Variants in VPS8 observed in about 807,000 individuals in gnomAD.
VPS8 encodes the protein vacuolar protein sorting-associated protein 8 homolog.
A neutral mutation model predicts 216.4 loss-of-function variants in VPS8; 129 were observed. The ratio of observed to expected loss-of-function variants is 0.60; its 90% CI spans 0.52 to 0.69. The LOEUF (loss-of-function observed/expected upper bound fraction) is 0.69, where lower values mean the gene tolerates loss of function less well. Among genes scored for constraint, VPS8 ranks in the 30% least tolerant of loss-of-function variants. The probability of loss-of-function intolerance (pLI) is 0.00; values close to 1 mark genes in which losing one functional copy is unlikely to be tolerated. For missense variants in VPS8, 1,531 were observed against 1,683.5 expected (o/e 0.91, Z 1.59); for synonymous variants, 571 against 565.4 (o/e 1.01, Z -0.14).
chr3:184,969,091 T>C (rs1747899074), intron 39 of VPS8, among the ~76,000 whole-genome samples: 1 of 152,194 alleles, frequency 6.6e-6, no homozygotes, highest in Non-Finnish European at 1.5e-5. Context: ...TGTGGCAATT[T>C]TAAAATTTTA....
chr3:184,913,369 C>G, intron 25 of VPS8, 150 bp from the exon 26 acceptor site: 2 of 610,396 alleles, frequency 3.3e-6, no homozygotes, highest in Non-Finnish European at 5.7e-6. Flanking sequence ...AACTCAAAAG[C>G]CAATAAAGTG....
At chr3:184,999,110 T>C (rs1753043507) in intron 44 of VPS8, among the ~76,000 whole-genome samples, 1 of 152,004 alleles carries the variant, frequency 6.6e-6, no homozygotes, top group Non-Finnish European at 1.5e-5. Context: ...CAGGCTGGAG[T>C]GCAGTGGCAC....
chr3:184,819,398 C>G (rs1253810541), intron 1 of VPS8, among the ~76,000 whole-genome samples: 3 of 152,174 alleles, frequency 2.0e-5, no homozygotes, highest in Non-Finnish European at 4.4e-5. Flanking sequence ...TATAAAAACA[C>G]TAGCTCACAT....
Position 184,926,620 on chromosome 3 carries a change from C to A in VPS8, c.2601C>A (p.Asp867Glu), listed in dbSNP as rs375545410. 6.2e-7 allele frequency: 1 copy of A among 1,604,772 alleles called. No homozygotes were observed. The highest frequency in any genetic ancestry group is 1.7e-5 in the Admixed American group (1 of 58,772). Residue 867 changes from aspartate to glutamate, a missense_variant, in exon 31 of 48, where the codon GAC becomes GAA. Physicochemically the swap from Asp to Glu is conservative, Grantham distance 45 (BLOSUM62 2). This residue lies in a region of VPS8 where 1,318 missense variants were observed against 1,468.4 expected (regional missense o/e 0.90). Transcript: ENST00000625842. ...TCCTTGAATTCCTTTGTAGTCCTGA[C>A]GATGACTCCCGACACTCTGAAAGAC... is the stretch of plus-strand genomic sequence containing the variant. ...DQVLEFLCSPDDDSRHSERQQ... is the reference protein window; with the variant it reads ...DQVLEFLCSPEDDSRHSERQQ...
chr3:184,972,129 C>T (rs1386543566), intron 40 of VPS8, among the ~76,000 whole-genome samples: 1 of 151,562 alleles, frequency 6.6e-6, no homozygotes, highest in Non-Finnish European at 1.5e-5. Context: ...AGTTCTGTTT[C>T]CACTGCCCTC....
At chr3:184,850,458 G>A (rs536209522) in intron 10 of VPS8, among the ~76,000 whole-genome samples, 79 of 152,254 alleles carry the variant, frequency 5.2e-4, no homozygotes, top group African/African-American at 1.9e-3. Context: ...AGTTGCCTGA[G>A]GTTCAAGGCA....
At chr3:184,970,563 A>G (rs1748241310) in intron 39 of VPS8, among the ~76,000 whole-genome samples, 1 of 152,226 alleles carries the variant, frequency 6.6e-6, no homozygotes, top group Non-Finnish European at 1.5e-5. Context: ...GGCTGAGGAA[A>G]ACATGAACAT....
intron 20 of VPS8, among the ~76,000 whole-genome samples, chr3:184,870,209 A>G (rs1728089815): frequency 6.6e-6 from 1 of 152,230 alleles, no homozygotes; most frequent in South Asian, 2.1e-4. Context: ...ATTAGCATCA[A>G]TATAATTGAT....
intron 29 of VPS8, among the ~76,000 whole-genome samples, chr3:184,922,886 G>A (rs1036478524): frequency 6.6e-6 from 1 of 151,986 alleles, no homozygotes; most frequent in African/African-American, 2.4e-5. Flanking sequence ...GAAATGGAAA[G>A]GAAATGGCCT....
Position 184,868,928 on chromosome 3 carries a change from C to G in VPS8, c.1507-18C>G. 2 of 1,592,488 alleles carry G rather than the reference C, an allele frequency of 1.3e-6. No individual in the cohort carries two copies. The highest frequency in any genetic ancestry group is 8.6e-7 in the Non-Finnish European group (1 of 1,169,182). On this transcript the variant is annotated intron_variant, in intron 18 of 47. Transcript: ENST00000625842. ...GGTCAGACAAAGGGGCCTGGTTTCT[C>G]TCATTTTTCCGTTTTAGAGAGTGGA...
chr3:185,023,816 T>C (rs566478531), intron 45 of VPS8, among the ~76,000 whole-genome samples: 4 of 152,350 alleles, frequency 2.6e-5, no homozygotes, highest in South Asian at 4.1e-4. Context: ...CTAAAATCTC[T>C]GTATTTCAGC....
At chr3:185,040,255 G>A (rs1364246600) in intron 46 of VPS8, among the ~76,000 whole-genome samples, 1 of 152,166 alleles carries the variant, frequency 6.6e-6, no homozygotes, top group Admixed American at 6.5e-5. Context: ...TCAGGCTGTT[G>A]TGCTAGAAGA....
At chr3:184,999,102 G>A (rs1323055117) in intron 44 of VPS8, among the ~76,000 whole-genome samples, 2 of 151,936 alleles carry the variant, frequency 1.3e-5, no homozygotes, top group Non-Finnish European at 2.9e-5. Context: ...TTGTTGCCCA[G>A]GCTGGAGTGC....
chr3:184,994,210 G>A (rs984946862), intron 43 of VPS8, 147 bp downstream of exon 43: 19 of 557,516 alleles, frequency 3.4e-5, no homozygotes, highest in Non-Finnish European at 5.4e-5. Context: ...ATTTCTTTTA[G>A]TTTTTCTCTC....
intron 46 of VPS8, among the ~76,000 whole-genome samples, chr3:185,045,389 G>T (rs777654923): frequency 2.5e-4 from 38 of 152,192 alleles, no homozygotes; most frequent in Non-Finnish European, 3.4e-4. Flanking sequence ...ATCCCTAGGA[G>T]TAGTACCATC....
chr3:185,047,143 T>C (rs1489408496), intron 46 of VPS8, among the ~76,000 whole-genome samples: 1 of 152,210 alleles, frequency 6.6e-6, no homozygotes, highest in Non-Finnish European at 1.5e-5. Context: ...CCTTCCTTTC[T>C]GTTTCTGTAG....
intron 3 of VPS8, among the ~76,000 whole-genome samples, chr3:184,829,032 T>C (rs116147379): frequency 0.011 from 1,637 of 152,344 alleles, 22 homozygotes; most frequent in African/African-American, 0.032. Context: ...ATTATGTTTT[T>C]AGATTTGTTC....
chr3:184,865,710 A>T (rs1727217720), intron 16 of VPS8, among the ~76,000 whole-genome samples: 1 of 152,244 alleles, frequency 6.6e-6, no homozygotes, highest in South Asian at 2.1e-4. Context: ...CATTGAGGCC[A>T]GGCGTGGTGG....
Position 184,868,997 on chromosome 3 carries a change from G to C in VPS8, c.1558G>C (p.Ala520Pro). ...QDCLTEALAL[A>P]WSFHEGKAKA... is the part of the protein sequence containing the mutation. ...TTGTCTTACAGAAGCGTTGGCTCTT[G>C]CGTGGTCTTTCCATGAAGGAAAAGC... Residue 520 changes from alanine to proline, a missense_variant, in exon 19 of 48, where the codon GCG becomes CCG. Ala to Pro is a conservative substitution (Grantham distance 27). Coordinates refer to ENST00000625842, the MANE Select transcript of VPS8 (RefSeq NM_001009921.3). 6 of 1,610,630 alleles carry C rather than the reference G, an allele frequency of 3.7e-6. No homozygotes were observed. Among genetic ancestry groups the C allele is most frequent in the South Asian group, 3.3e-5 (3 of 89,964 alleles).
Sources: allele counts gnomAD v4.1 joint callset (sites outside exome capture counted in the v4.1 genomes callset), GRCh38; gene constraint gnomAD v4.1.1; regional missense constraint gnomAD v4.1.1; transcripts MANE v1.5; gene names NCBI Gene and HGNC (gene_info 2026-07-23, HGNC 2026-07-21).